The following FGF12 variants were observed in gnomAD, a reference collection of about 807,000 sequenced individuals.
The protein encoded by FGF12 is fibroblast growth factor 12B.
FGF12 carries 14 observed loss-of-function variants against 23.6 expected under a neutral mutation model. That is an observed-to-expected ratio of 0.59 (90% confidence interval 0.39 to 0.93). The LOEUF (loss-of-function observed/expected upper bound fraction) is 0.93. FGF12 is among the 40% of genes least tolerant of loss of function. FGF12 has a pLI of 0.00. For synonymous variants in FGF12, 62 were observed against 77.3 expected (o/e 0.80, Z 1.04); for missense variants, 175 against 217.8 (o/e 0.80, Z 1.24).
intron 2 of FGF12, among the ~76,000 whole-genome samples, chr3:192,452,213 G>A (rs920699645): frequency 6.6e-6 from 1 of 152,076 alleles, no homozygotes; most frequent in Admixed American, 6.6e-5. Context: ...TTGTGAATGG[G>A]TGTTTAATTT....
intron 2 of FGF12, among the ~76,000 whole-genome samples, chr3:192,490,863 T>C (rs60903029): frequency 0.026 from 3,959 of 152,158 alleles, 185 homozygotes; most frequent in African/African-American, 0.088. Context: ...CGCAAGATAA[T>C]TGCTGCCCTT....
At chr3:192,350,288 G>A (rs371117229) in intron 3 of FGF12, among the ~76,000 whole-genome samples, 1 of 152,008 alleles carries the variant, frequency 6.6e-6, no homozygotes, top group Admixed American at 6.6e-5. Context: ...AGGCTTCAAA[G>A]ACAAAAGGCT....
At chr3:192,313,345 T>C (rs571257283) in intron 4 of FGF12, among the ~76,000 whole-genome samples, 1 of 152,348 alleles carries the variant, frequency 6.6e-6, no homozygotes, top group South Asian at 2.1e-4. Flanking sequence ...GGAATAGCTA[T>C]ATTGAAACCA....
At chr3:192,234,377 C>T (rs1037938788) in intron 4 of FGF12, among the ~76,000 whole-genome samples, 1 of 152,156 alleles carries the variant, frequency 6.6e-6, no homozygotes, top group East Asian at 1.9e-4. Context: ...AATTGTTGTA[C>T]ATTTATTTTG....
chr3:192,661,079 T>G (rs145394157), intron 2 of FGF12, among the ~76,000 whole-genome samples: 10 of 152,156 alleles, frequency 6.6e-5, no homozygotes, highest in African/African-American at 2.4e-4. Context: ...TTGTTAAGGT[T>G]AGGGATGATG....
At chr3:192,679,728 C>A (rs1365227856) in intron 2 of FGF12, among the ~76,000 whole-genome samples, 2 of 152,152 alleles carry the variant, frequency 1.3e-5, no homozygotes, top group Admixed American at 6.5e-5. Context: ...GGATCACACC[C>A]AAAGGCCAAA....
chr3:192,637,105 G>A (rs183626679), intron 2 of FGF12, among the ~76,000 whole-genome samples: 77 of 152,222 alleles, frequency 5.1e-4, no homozygotes, highest in East Asian at 9.6e-4. Flanking sequence ...CTTTTATAGC[G>A]TCTCTCCCTC....
intron 2 of FGF12, among the ~76,000 whole-genome samples, chr3:192,407,687 G>C (rs1230505555): frequency 6.8e-6 from 1 of 147,644 alleles, no homozygotes; most frequent in Non-Finnish European, 1.5e-5. Flanking sequence ...ATGGATGGGA[G>C]AGCGGGAGAG....
chr3:192,160,605 A>AT (rs1467174290), intron 5 of FGF12, among the ~76,000 whole-genome samples: 7 of 152,094 alleles, frequency 4.6e-5, no homozygotes, highest in Admixed American at 4.6e-4. Flanking sequence ...ATGCTTGCTT[A>AT]TTTTTAATTG....
At chr3:192,255,455 T>G (rs1015995771) in intron 4 of FGF12, among the ~76,000 whole-genome samples, 3 of 152,054 alleles carry the variant, frequency 2.0e-5, no homozygotes, top group African/African-American at 7.2e-5. Flanking sequence ...AAGAAAGTGT[T>G]ATGGTACCTA....
chr3:192,377,442 TTTG>T (rs1719570614), intron 2 of FGF12, among the ~76,000 whole-genome samples: 2 of 152,204 alleles, frequency 1.3e-5, no homozygotes, highest in Admixed American at 1.3e-4. Flanking sequence ...CATTTTAATT[TTTG>T]TTGTTATATT....
intron 4 of FGF12, among the ~76,000 whole-genome samples, chr3:192,250,121 T>C (rs978813138): frequency 6.6e-6 from 1 of 152,312 alleles, no homozygotes; most frequent in Admixed American, 6.5e-5. Flanking sequence ...ATCTAAAACA[T>C]TGAGAATTCA....
At chr3:192,347,269 T>A (rs1380023705) in intron 3 of FGF12, among the ~76,000 whole-genome samples, 1 of 152,188 alleles carries the variant, frequency 6.6e-6, no homozygotes, top group Non-Finnish European at 1.5e-5. Flanking sequence ...AACCAAACCT[T>A]GCTGCTCAAA....
At position 192,723,872 on chromosome 3, in the gene FGF12, AGAGAGAG is replaced by A. The variant is rs1158867042; in HGVS notation, c.13+3302_13+3308del. 3.9e-3 allele frequency among the ~76,000 whole-genome samples: 530 copies of A among 136,032 alleles called. 3 individuals carry two copies. Among genetic ancestry groups the A allele is most frequent in the African/African-American group, 0.014 (506 of 37,004 alleles). The allele number at this position is 136,032 out of a possible 152,430, so 89.2% of individuals were successfully genotyped here. A position where few individuals can be genotyped will look rare whatever the true frequency, so the allele number is the denominator to read the frequency against. On this transcript the variant is annotated intron_variant, in intron 2 of 5. Transcript: ENST00000445105. Reference sequence around the variant, plus strand: ...GTGTGTGTGTGTGTGTGAGAGAGAGAGAGAGAGGAGAGGAGAGGAGAGGAGAGGAAAG... The same window carrying A: ...GTGTGTGTGTGTGTGTGAGAGAGAGAGAGAGGAGAGGAGAGGAGAGGAAAG...
At position 192,531,867 on chromosome 3, in the gene FGF12, T is replaced by C. The variant is rs566158648; in HGVS notation, c.14-171329A>G. On this transcript the variant is annotated intron_variant, in intron 2 of 5. Transcript: ENST00000445105. ...GCTTATTTGGATAGTGCTTTCTTGT[T>C]TGTTAGTTGTTTTTAGTCCATGGTC... is the stretch of plus-strand genomic sequence containing the variant. Among the ~76,000 whole-genome samples the C allele has an allele frequency of 5.2e-4, 79 of 152,274 alleles. 1 individual carries two copies. Among genetic ancestry groups the C allele is most frequent in the African/African-American group, 1.8e-3 (76 of 41,558 alleles).
intron 4 of FGF12, among the ~76,000 whole-genome samples, chr3:192,287,617 T>C (rs1206351182): frequency 2.0e-5 from 3 of 151,940 alleles, no homozygotes; most frequent in Admixed American, 2.0e-4. Flanking sequence ...GGTCCTTCAG[T>C]GGAGGGGCAA....
At chr3:192,323,635 G>A (rs992647288) in intron 4 of FGF12, among the ~76,000 whole-genome samples, 3 of 152,144 alleles carry the variant, frequency 2.0e-5, no homozygotes, top group African/African-American at 4.8e-5. Context: ...CAGATCAAAC[G>A]TTTGATAGCC....
At chr3:192,229,006 A>G (rs1430297277) in intron 4 of FGF12, among the ~76,000 whole-genome samples, 1 of 152,046 alleles carries the variant, frequency 6.6e-6, no homozygotes, top group Non-Finnish European at 1.5e-5. Flanking sequence ...AGTTGATCAG[A>G]TAATTTCAGG....
At chr3:192,170,686 A>C in intron 4 of FGF12, 30 bp from the exon 5 acceptor site, 4 of 1,551,222 alleles carry the variant, frequency 2.6e-6, no homozygotes, top group Non-Finnish European at 2.6e-6. Context: ...AGACACAAAA[A>C]AGAGAAATGA....
Sources: allele counts gnomAD v4.1 joint callset (sites outside exome capture counted in the v4.1 genomes callset), GRCh38; gene constraint gnomAD v4.1.1; transcripts MANE v1.5; gene names NCBI Gene and HGNC (gene_info 2026-07-23, HGNC 2026-07-21).